Variants in CACNA1C observed in about 807,000 individuals in gnomAD.
CACNA1C encodes calcium voltage-gated channel subunit alpha1 C, also known as voltage-dependent L-type calcium channel subunit alpha-1C.
Under a neutral mutation model 229.0 loss-of-function variants are expected in CACNA1C, and 30 were observed. The ratio of observed to expected loss-of-function variants is 0.13; its 90% CI spans 0.10 to 0.18. CACNA1C has a LOEUF of 0.18. Among genes scored for constraint, CACNA1C ranks in the 10% least tolerant of loss-of-function variants. The pLI, the probability that CACNA1C is intolerant of heterozygous loss-of-function variation, is 1.00. For missense variants in CACNA1C, 1,658 were observed against 2,845.0 expected (o/e 0.58, Z 9.49); for synonymous variants, 1,114 against 1,132.5 (o/e 0.98, Z 0.33).
rs929291523 is a variant in CACNA1C, at chr12:2,575,682, C to G, written c.1896-5908C>G. Among the ~76,000 whole-genome samples, 8 of 152,134 alleles carry G rather than the reference C, an allele frequency of 5.3e-5. No homozygotes were observed. The highest frequency in any genetic ancestry group is 1.9e-4 in the African/African-American group (8 of 41,416). On this transcript the variant is annotated intron_variant, in intron 13 of 46. Transcript: ENST00000399655. The surrounding 1 kb of genome is among the most constrained non-coding windows in gnomAD (Gnocchi z 4.0). ...GGATGAGAACATTTTGGGCAGGTAT[C>G]AAACTCAGTTATGACCTTCTCTGGA...
rs564963875 is a variant in CACNA1C at position 2,356,991 on chromosome 12, T to G, written c.478-91985T>G. On this transcript the variant is annotated intron_variant, in intron 3 of 46. Coordinates refer to ENST00000399655, the MANE Select transcript of CACNA1C (RefSeq NM_000719.7). ...ATCCTTTCTGTCCACTTCTCAAAAA[T>G]GCAGCCTCTGCCCATCCTTCCATCC... Among the ~76,000 whole-genome samples the G allele has an allele frequency of 1.7e-3, 252 of 152,342 alleles. 2 individuals are homozygous for G. Among genetic ancestry groups the G allele is most frequent in the African/African-American group, 5.8e-3 (240 of 41,576 alleles).
intron 1 of CACNA1C, among the ~76,000 whole-genome samples, chr12:2,080,375 G>T (rs2065061365): frequency 6.6e-6 from 1 of 152,188 alleles, no homozygotes; most frequent in African/African-American, 2.4e-5. Context: ...GCTGAGGCGG[G>T]TGGATCACGA....
intron 3 of CACNA1C, among the ~76,000 whole-genome samples, chr12:2,300,739 T>C (rs888124840): frequency 6.6e-6 from 1 of 152,152 alleles, no homozygotes; most frequent in African/African-American, 2.4e-5. Context: ...GACGAGAGGA[T>C]GTGTAATTAA....
chr12:2,062,113 C>T (rs776204259), intron 1 of CACNA1C, among the ~76,000 whole-genome samples: 8 of 152,164 alleles, frequency 5.3e-5, no homozygotes, highest in Non-Finnish European at 1.0e-4. Flanking sequence ...AGCTCTGGTC[C>T]TGTGATCTGT....
At chr12:2,582,153 A>G (rs925583453) in intron 14 of CACNA1C, among the ~76,000 whole-genome samples, 6 of 152,072 alleles carry the variant, frequency 3.9e-5, no homozygotes, top group Non-Finnish European at 8.8e-5. Context: ...AAAAAAAAAA[A>G]AATCGTTCTT....
intron 1 of CACNA1C, chr12:2,004,581 G>T: frequency 8.7e-7 from 1 of 1,151,404 alleles, no homozygotes; most frequent in Non-Finnish European, 1.2e-6. Flanking sequence ...CCTCCTGCCC[G>T]CCGACAGACG....
At chr12:2,210,668 G>A (rs527749006) in intron 3 of CACNA1C, among the ~76,000 whole-genome samples, 1 of 152,294 alleles carries the variant, frequency 6.6e-6, no homozygotes, top group Admixed American at 6.5e-5. Flanking sequence ...AATCTGAGAG[G>A]ACAGGGTCCC....
At position 2,493,912 on chromosome 12, in the gene CACNA1C, A is replaced by G. The variant is rs1263691521; in HGVS notation, c.1113+526A>G. On this transcript the variant is annotated intron_variant, in intron 7 of 46. Coordinates refer to ENST00000399655, the MANE Select transcript of CACNA1C (RefSeq NM_000719.7). The surrounding 1 kb of genome is among the most constrained non-coding windows in gnomAD (Gnocchi z 4.6). ...TTACTTTTTATTTTACTCTTACCTT[A>G]ACATATTAGAATAGTCCATCAGACA... is the stretch of plus-strand genomic sequence containing the variant. Among the ~76,000 whole-genome samples the G allele has an allele frequency of 6.6e-6, 1 of 152,210 alleles. No individual in the cohort carries two copies. Among genetic ancestry groups the G allele is most frequent in the Non-Finnish European group, 1.5e-5 (1 of 68,046 alleles).
chr12:2,022,519 G>A (rs2429140), intron 1 of CACNA1C, among the ~76,000 whole-genome samples: 74,247 of 149,726 alleles, frequency 0.5, 18,901 homozygotes, highest in East Asian at 0.79. Context: ...CAGTGGCACA[G>A]TCATAACTTG....
chr12:2,324,538 CG>C (rs939867799), intron 3 of CACNA1C, among the ~76,000 whole-genome samples: 1 of 152,190 alleles, frequency 6.6e-6, no homozygotes, highest in African/African-American at 2.4e-5. Context: ...CGGAGCTGCC[CG>C]GGCCCCGCCT....
intron 3 of CACNA1C, among the ~76,000 whole-genome samples, chr12:2,375,731 A>G (rs560187609): frequency 3.9e-4 from 60 of 152,318 alleles, no homozygotes; most frequent in African/African-American, 1.4e-3. Flanking sequence ...GTATCTTAAC[A>G]TATTGAGTTA....
At chr12:2,645,972 G>A (rs187596250) in intron 30 of CACNA1C, among the ~76,000 whole-genome samples, 40 of 152,286 alleles carry the variant, frequency 2.6e-4, no homozygotes, top group African/African-American at 3.6e-4. Context: ...ATCTCAGAGC[G>A]TCCTCATTCT....
intron 3 of CACNA1C, among the ~76,000 whole-genome samples, chr12:2,234,891 G>C (rs1275500286): frequency 6.6e-6 from 1 of 152,074 alleles, no homozygotes; most frequent in African/African-American, 2.4e-5. Context: ...TAGAAGTGAC[G>C]AGCGATTCTG....
Position 2,053,432 on chromosome 12 carries a change from A to C in CACNA1C, c.-131A>C, listed in dbSNP as rs2052916386. 1 of 1,452,284 alleles carries C rather than the reference A, an allele frequency of 6.9e-7. No homozygotes were observed. The highest frequency in any genetic ancestry group is 1.4e-5 in the African/African-American group (1 of 69,678). The allele number at this position is 1,452,284 out of a possible 1,614,324, so 90.0% of individuals were successfully genotyped here. A position where few individuals can be genotyped will look rare whatever the true frequency, so the allele number is the denominator to read the frequency against. On this transcript the variant is annotated 5_prime_UTR_variant, in exon 1 of 47. Coordinates refer to ENST00000399655, the MANE Select transcript of CACNA1C (RefSeq NM_000719.7). The surrounding 1 kb of genome is among the most constrained non-coding windows in gnomAD (Gnocchi z 5.8). ...CGGCGGGGAAGAAGAAACGCTGCAG[A>C]CCACGGCTTCCTCGAATCTTGCGCG...
At chr12:2,265,172 G>T (rs979191352) in intron 3 of CACNA1C, among the ~76,000 whole-genome samples, 2 of 152,220 alleles carry the variant, frequency 1.3e-5, no homozygotes, top group Non-Finnish European at 1.5e-5. Context: ...CCTGCTGGGG[G>T]TGGATAGAGT....
chr12:2,485,911 T>C (rs998432796), intron 5 of CACNA1C, among the ~76,000 whole-genome samples, 193 bp from the exon 6 acceptor site: 1 of 152,200 alleles, frequency 6.6e-6, no homozygotes, highest in East Asian at 1.9e-4. Context: ...CAAGACAGAT[T>C]TGGAGTGAGG....
In CACNA1C at chr12:2,696,616, A is replaced by C. The variant is rs2097844247; in HGVS notation, c.*5417A>C. 6.6e-6 allele frequency: 1 copy of C among 152,180 alleles called. No individual in the cohort carries two copies. The highest frequency in any genetic ancestry group is 2.4e-5 in the African/African-American group (1 of 41,446). 9.4% of individuals were successfully genotyped at this position (152,180 alleles called of 1,614,324 possible). Reference sequence around the variant, plus strand: ...AAGGTCATTATCCAAAAAAAAAAAAAAAAAGCTCTGGGTGGAAGAGTTTGT... The same window carrying C: ...AAGGTCATTATCCAAAAAAAAAAAACAAAAGCTCTGGGTGGAAGAGTTTGT... On this transcript the variant is annotated 3_prime_UTR_variant, in exon 47 of 47. Transcript: ENST00000399655.
At chr12:2,450,345 G>A (rs956165195) in intron 4 of CACNA1C, among the ~76,000 whole-genome samples, 3 of 151,928 alleles carry the variant, frequency 2.0e-5, no homozygotes, top group Non-Finnish European at 2.9e-5. Flanking sequence ...ACGAGGTCAG[G>A]AGATCGAGAC....
intron 3 of CACNA1C, among the ~76,000 whole-genome samples, chr12:2,202,205 C>T (rs555806218): frequency 2.4e-4 from 37 of 152,296 alleles, no homozygotes; most frequent in African/African-American, 8.9e-4. Flanking sequence ...TAAAGAACAG[C>T]CAGTTCAGTC....
Sources: allele counts gnomAD v4.1 joint callset (sites outside exome capture counted in the v4.1 genomes callset), GRCh38; gene constraint gnomAD v4.1.1; non-coding constraint Gnocchi (gnomAD v3.1); transcripts MANE v1.5; gene names NCBI Gene and HGNC (gene_info 2026-07-23, HGNC 2026-07-21).